COL11A2: variants seen among roughly 807,000 people sequenced by gnomAD.
COL11A2 encodes the protein collagen type XI alpha 2 chain.
COL11A2 carries 116 observed loss-of-function variants against 273.4 expected under a neutral mutation model. The observed-to-expected ratio is 0.42, with a 90% CI of 0.36 to 0.49. The LOEUF is 0.49. Ranked by LOEUF, COL11A2 falls within the 20% of genes least tolerant of loss-of-function variation. The probability of loss-of-function intolerance (pLI) is 0.00; values close to 1 mark genes in which losing one functional copy is unlikely to be tolerated. For synonymous variants in COL11A2, 782 were observed against 864.2 expected, an observed-to-expected ratio of 0.90 and a Z score of 1.67; for missense variants, 1,866 against 2,309.0, an observed-to-expected ratio of 0.81 and a Z score of 3.93.
In COL11A2 at chr6:33,178,418, T is replaced by C. The variant is rs1316750155; in HGVS notation, c.1773+17A>G. On this transcript the variant is annotated intron_variant, in intron 19 of 65. Coordinates refer to ENST00000341947, the MANE Select transcript of COL11A2 (RefSeq NM_080680.3). This position sits in a 1 kb window ranked among gnomAD's most constrained non-coding sequence, Gnocchi z 4.6. The stretch of plus-strand genomic sequence containing the variant: ...ACCTCCCCTGCACCCAGCCCCTACA[T>C]TTGCCACTACACTTACCCTCTCTCC... The C allele has an allele frequency of 6.2e-7, 1 of 1,612,718 alleles. No individual in the cohort carries two copies. Among genetic ancestry groups the C allele is most frequent in the Non-Finnish European group, 8.5e-7 (1 of 1,179,908 alleles).
Position 33,171,783 on chromosome 6 carries a change from C to G in COL11A2, c.3080G>C (p.Gly1027Ala). 4 of 1,612,964 alleles carry G rather than the reference C, an allele frequency of 2.5e-6. No individual in the cohort carries two copies. The highest frequency in any genetic ancestry group is 3.4e-6 in the Non-Finnish European group (4 of 1,179,972). ...TGGGCGCCCTGGCGGACCAATGGGT[C>G]CCCCTGATCCTGCTGCACCTCGTTC... Reference protein sequence around the residue: ...PGERGAAGSGGPIGPPGRPGP... With the variant: ...PGERGAAGSGAPIGPPGRPGP... Residue 1027 changes from glycine (G) to alanine (A), a missense_variant, in exon 42 of 66, where the codon GGA becomes GCA. Transcript: ENST00000341947.
Position 33,169,799 on chromosome 6 carries a change from C to G in COL11A2, c.3690+32G>C. 6.2e-7 allele frequency: 1 copy of G among 1,613,848 alleles called. No homozygotes were observed. Among genetic ancestry groups the G allele is most frequent in the South Asian group, 1.1e-5 (1 of 91,068 alleles). On this transcript the variant is annotated intron_variant, in intron 50 of 65. Coordinates refer to ENST00000341947, the MANE Select transcript of COL11A2 (RefSeq NM_080680.3). The surrounding 1 kb of genome is among the most constrained non-coding windows in gnomAD (Gnocchi z 5.5). ...GCAGGGTTGAGGCGGGTGACGGGGA[C>G]TGGGGAGTAAGGCCTTGGAGCTGTC... is the stretch of plus-strand genomic sequence containing the variant.
chr6:33,170,175 A>G lies in COL11A2; in HGVS notation c.3583-75T>C, dbSNP rs35771979. 2.4e-4 allele frequency: 379 copies of G among 1,603,182 alleles called. No homozygotes were observed. The highest frequency in any genetic ancestry group is 3.2e-4 in the Non-Finnish European group (370 of 1,171,098). ...TTCAGGGGCAAAGTCCCAGATGAGCAGCCCAAGGTTACAGCAGTGAGGCAG... is the reference window on the plus strand; with the variant it reads ...TTCAGGGGCAAAGTCCCAGATGAGCGGCCCAAGGTTACAGCAGTGAGGCAG... On this transcript the variant is annotated intron_variant, in intron 48 of 65. Coordinates refer to ENST00000341947, the MANE Select transcript of COL11A2 (RefSeq NM_080680.3). This position sits in a 1 kb window ranked among gnomAD's most constrained non-coding sequence, Gnocchi z 4.3.
chr6:33,168,898 A>AGC, intron 52 of COL11A2, 57 bp downstream of exon 52: 2 of 1,519,608 alleles, frequency 1.3e-6, no homozygotes, highest in Non-Finnish European at 1.8e-6. Flanking sequence ...CACACAGAGG[A>AGC]CCCCCCCATA....
At chr6:33,191,537 G>C (rs1391448588) in intron 1 of COL11A2, among the ~76,000 whole-genome samples, 1 of 152,254 alleles carries the variant, frequency 6.6e-6, no homozygotes, top group African/African-American at 2.4e-5. Context: ...GGAATGCAAA[G>C]AGTTGGCTCT....
rs1235385737 is a variant in COL11A2, at chr6:33,170,339, G to A, written c.3569C>T (p.Pro1190Leu). 6.2e-7 allele frequency: 1 copy of A among 1,613,784 alleles called. No homozygotes were observed. Among genetic ancestry groups the A allele is most frequent in the East Asian group, 2.2e-5 (1 of 44,878 alleles). Reference sequence around the variant, plus strand: ...GAGATGACTCACATCAGCGCCATTGGGTCCAGCTGGACCTCGAGGTCCTGG... The same window carrying A: ...GAGATGACTCACATCAGCGCCATTGAGTCCAGCTGGACCTCGAGGTCCTGG... ...GPPGPRGPAG[P>L]NGADGPQGPP... Residue 1190 changes from proline to leucine, a missense_variant, in exon 48 of 66, where the codon CCC becomes CTC. Pro to Leu is a moderately conservative substitution (Grantham distance 98). Transcript: ENST00000341947. This position sits in a 1 kb window ranked among gnomAD's most constrained non-coding sequence, Gnocchi z 4.3.
intron 12 of COL11A2, 143 bp downstream of exon 12, chr6:33,180,114 CA>C (rs1771523542): frequency 1.1e-6 from 1 of 948,622 alleles, no homozygotes; most frequent in South Asian, 1.4e-5. Flanking sequence ...TCCCCAACCC[CA>C]AAGACGAATC....
intron 30 of COL11A2, 66 bp downstream of exon 30, chr6:33,175,508 A>C (rs1770771716): frequency 7.3e-7 from 1 of 1,360,940 alleles, no homozygotes; most frequent in Non-Finnish European, 1.0e-6. Context: ...GCGGGCACCC[A>C]TGCCCATCCT....
Position 33,164,522 on chromosome 6 carries a change from C to T in COL11A2, c.4864-49G>A, listed in dbSNP as rs1488597794. 2 of 1,445,002 alleles carry T rather than the reference C, an allele frequency of 1.4e-6. No homozygotes were observed. The highest frequency in any genetic ancestry group is 1.4e-5 in the South Asian group (1 of 73,542). 89.5% of individuals were successfully genotyped at this position (1,445,002 alleles called of 1,614,324 possible). On this transcript the variant is annotated intron_variant, in intron 64 of 65. Transcript: ENST00000341947. The surrounding 1 kb of genome is among the most constrained non-coding windows in gnomAD (Gnocchi z 4.7). ...CTCAGAGGGGGAGAGAGAGGGCTGG[C>T]CTCAGAGGGAGACAGAGACGGGCCT... is the stretch of plus-strand genomic sequence containing the variant.
intron 52 of COL11A2, 63 bp downstream of exon 52, chr6:33,168,892 C>T (rs1769604497): frequency 6.5e-7 from 1 of 1,550,060 alleles, no homozygotes; most frequent in African/African-American, 1.5e-5. Context: ...AGCGGCCACA[C>T]AGAGGACCCC....
At position 33,190,679 on chromosome 6, in the gene COL11A2, C is replaced by T. The variant is rs921139544; in HGVS notation, c.83-1210G>A. Among the ~76,000 whole-genome samples the T allele has an allele frequency of 5.3e-5, 8 of 152,012 alleles. No homozygotes were observed. The highest frequency in any genetic ancestry group is 1.2e-4 in the African/African-American group (5 of 41,364). On this transcript the variant is annotated intron_variant, in intron 1 of 65. Transcript: ENST00000341947. The surrounding 1 kb of genome is among the most constrained non-coding windows in gnomAD (Gnocchi z 4.5). The stretch of plus-strand genomic sequence containing the variant: ...CCAGGAGCCGGGAAACCACGGCCTT[C>T]CCCCCCAACCCCCACCTAAGCCTGG...
At position 33,177,176 on chromosome 6, in the gene COL11A2, C is replaced by T. The variant is rs931061964; in HGVS notation, c.2016+5G>A. On this transcript the variant is annotated splice_donor_5th_base_variant and intron_variant, in intron 24 of 65. Coordinates refer to ENST00000341947, the MANE Select transcript of COL11A2 (RefSeq NM_080680.3). The surrounding 1 kb of genome is among the most constrained non-coding windows in gnomAD (Gnocchi z 5.9). ...CCCTGTCCTCCAAATCACTTAGTCA[C>T]TTACCTTCTCTCCATGAGGGCCGAT... is the stretch of plus-strand genomic sequence containing the variant. 6.8e-6 allele frequency: 11 copies of T among 1,612,966 alleles called. No homozygotes were observed. In the African/African-American group the frequency reaches 9.3e-5, roughly 14 times the overall value.
In COL11A2 at chr6:33,164,903, G is replaced by T; in HGVS notation, c.4812C>A (p.Asn1604Lys). The T allele has an allele frequency of 6.3e-7, 1 of 1,580,166 alleles. No homozygotes were observed. The highest frequency in any genetic ancestry group is 1.3e-5 in the African/African-American group (1 of 74,390). ...CACAGGTCTCACCCCCTGCTGTGAAGTTGCAGAAAACTCGGAAGGCATCCC... is the reference window on the plus strand; with the variant it reads ...CACAGGTCTCACCCCCTGCTGTGAATTTGCAGAAAACTCGGAAGGCATCCC... ...CARDAFRVFC[N>K]FTAGGETCVT... The change falls in exon 64 of 66, where the codon AAC becomes AAA. Residue 1604 changes from asparagine to lysine, a missense_variant. Physicochemically the swap from Asn to Lys is moderately conservative, Grantham distance 94 (BLOSUM62 0). Coordinates refer to ENST00000341947, the MANE Select transcript of COL11A2 (RefSeq NM_080680.3). The surrounding 1 kb of genome is among the most constrained non-coding windows in gnomAD (Gnocchi z 4.7).
chr6:33,164,594 G>T lies in COL11A2; in HGVS notation c.4864-121C>A. 1 of 895,508 alleles carries T rather than the reference G, an allele frequency of 1.1e-6. No homozygotes were observed. Among genetic ancestry groups the T allele is most frequent in the Non-Finnish European group, 1.7e-6 (1 of 600,412 alleles). The allele number at this position is 895,508 out of a possible 1,614,324, so 55.5% of individuals were successfully genotyped here. On this transcript the variant is annotated intron_variant, in intron 64 of 65. Transcript: ENST00000341947. This position sits in a 1 kb window ranked among gnomAD's most constrained non-coding sequence, Gnocchi z 4.7. ...GACAGCTGAGCCAGAGTCATGAGCA[G>T]GGAATGGCTGGAAGGCAAGGGCTGG... is the stretch of plus-strand genomic sequence containing the variant.
rs1247968875 is a variant in COL11A2 at position 33,167,956 on chromosome 6, C to T, written c.3961-104G>A. 55 of 1,208,974 alleles carry T rather than the reference C, an allele frequency of 4.5e-5. No homozygotes were observed. The highest frequency in any genetic ancestry group is 6.3e-5 in the South Asian group (5 of 79,650). 74.9% of individuals were successfully genotyped at this position (1,208,974 alleles called of 1,614,324 possible). A position where few individuals can be genotyped will look rare whatever the true frequency, so the allele number is the denominator to read the frequency against. On this transcript the variant is annotated intron_variant, in intron 54 of 65. Transcript: ENST00000341947. This position sits in a 1 kb window ranked among gnomAD's most constrained non-coding sequence, Gnocchi z 6.1. ...ACACACATACACATGCACACACACA[C>T]GTGCATACACAGGGACACGCGCCGA...
In COL11A2 at chr6:33,170,812, G is replaced by A; in HGVS notation, c.3472C>T (p.Gln1158Ter). 1 of 1,612,018 alleles carries A rather than the reference G, an allele frequency of 6.2e-7. No homozygotes were observed. The highest frequency in any genetic ancestry group is 8.5e-7 in the Non-Finnish European group (1 of 1,179,612). ...CCCTGTCCTATCCCCCAACACACCT[G>A]TAGGCCAATGGGTCCTGGGGGCCCA... ...FNGPPGPIGLQGLPGPSGEKG... is the reference protein window; with the variant it reads ...FNGPPGPIGL The change falls in exon 46 of 66, where the codon CAG becomes TAG. Residue 1158 changes from glutamine (Q) to a stop codon, truncating the protein, a stop_gained and splice_region_variant. Coordinates refer to ENST00000341947, the MANE Select transcript of COL11A2 (RefSeq NM_080680.3). LOFTEE classifies it high-confidence loss of function. This position sits in a 1 kb window ranked among gnomAD's most constrained non-coding sequence, Gnocchi z 4.3.
At position 33,170,833 on chromosome 6, in the gene COL11A2, G is replaced by T; in HGVS notation, c.3451C>A (p.Pro1151Thr). Residue 1151 changes from proline (P) to threonine (T), a missense_variant, in exon 46 of 66, where the codon CCC becomes ACC. Coordinates refer to ENST00000341947, the MANE Select transcript of COL11A2 (RefSeq NM_080680.3). The surrounding 1 kb of genome is among the most constrained non-coding windows in gnomAD (Gnocchi z 4.3). ...GDEGTRGFNG[P>T]PGPIGLQGLP... ...ACCTGTAGGCCAATGGGTCCTGGGG[G>T]CCCATTGAATCCTCTTGTTCCTTCA... 2 of 1,612,966 alleles carry T rather than the reference G, an allele frequency of 1.2e-6. No individual in the cohort carries two copies. The highest frequency in any genetic ancestry group is 1.7e-6 in the Non-Finnish European group (2 of 1,179,966).
chr6:33,180,860 C>T (rs1380359573), intron 10 of COL11A2, 104 bp downstream of exon 10: 10 of 1,559,970 alleles, frequency 6.4e-6, no homozygotes, highest in Admixed American at 5.0e-5. Flanking sequence ...GGGATGCTCC[C>T]GAGTTCTGAG....
rs749620886 is a variant in COL11A2 at position 33,179,723 on chromosome 6, G to A, written c.1442C>T (p.Ala481Val). 4 of 1,611,614 alleles carry A rather than the reference G, an allele frequency of 2.5e-6. No homozygotes were observed. The highest frequency in any genetic ancestry group is 1.7e-5 in the Admixed American group (1 of 59,990). The change falls in exon 13 of 66, where the codon GCG becomes GTG. Residue 481 changes from alanine to valine, a missense_variant. Ala to Val is a moderately conservative substitution (Grantham distance 64). Coordinates refer to ENST00000341947, the MANE Select transcript of COL11A2 (RefSeq NM_080680.3). The surrounding 1 kb of genome is among the most constrained non-coding windows in gnomAD (Gnocchi z 6.4). ...CAGGGAAGCAGCCCCACTCACCCTC[G>A]CCTGCTGCAGGATCGCCTGGGCCTG... ...EAQAQAILQQ[A>V]RLALRGPPGP...
Sources: allele counts gnomAD v4.1 joint callset (sites outside exome capture counted in the v4.1 genomes callset), GRCh38; gene constraint gnomAD v4.1.1; non-coding constraint Gnocchi (gnomAD v3.1); transcripts MANE v1.5; gene names NCBI Gene and HGNC (gene_info 2026-07-23, HGNC 2026-07-21).